HTR3C: variants seen among roughly 807,000 people sequenced by gnomAD.
The protein encoded by HTR3C is 5-HT3-C.
In HTR3C, 32 loss-of-function variants were observed where a neutral mutation model predicts 40.5. The observed-to-expected ratio is 0.79, with a 90% CI of 0.60 to 1.06. The LOEUF is 1.06. HTR3C is among the 50% of genes least tolerant of loss of function. HTR3C has a pLI of 0.00. For synonymous variants in HTR3C, 209 were observed against 217.1 expected, an observed-to-expected ratio of 0.96 and a Z score of 0.33; for missense variants, 523 against 556.8, an observed-to-expected ratio of 0.94 and a Z score of 0.61.
At chr3:184,058,377 C>T (rs141620795) in intron 5 of HTR3C, 50 bp from the exon 6 acceptor site, 16 of 1,508,094 alleles carry the variant, frequency 1.1e-5, no homozygotes, top group South Asian at 5.5e-5. Context: ...ATTTCGTGGG[C>T]GGGAGGCTTG....
intron 5 of HTR3C, among the ~76,000 whole-genome samples, chr3:184,057,699 C>T (rs1008423581): frequency 6.6e-6 from 1 of 152,198 alleles, no homozygotes. Flanking sequence ...TGCACCACTG[C>T]ACTCCAGCCT....
At chr3:184,053,204 T>A in intron 1 of HTR3C, 57 bp downstream of exon 1, 2 of 1,256,806 alleles carry the variant, frequency 1.6e-6, no homozygotes, top group South Asian at 1.2e-5. Flanking sequence ...ACACCTGGAC[T>A]CACCTCTAGC....
At chr3:184,054,964 G>C (rs888862315) in intron 2 of HTR3C, 77 bp downstream of exon 2, 1 of 1,445,198 alleles carries the variant, frequency 6.9e-7, no homozygotes, top group African/African-American at 1.4e-5. Context: ...ACCCAACATG[G>C]CCCTGGCCCC....
rs1170502188 is a variant in HTR3C at position 184,056,869 on chromosome 3, A to C, written c.390-6A>C. On this transcript the variant is annotated splice_region_variant and splice_polypyrimidine_tract_variant and intron_variant, in intron 4 of 8. Transcript: ENST00000318351. ...CCTCCATCTCTTCCCTCCCTTCCCC[A>C]AACAGCATGGATGTGGATCAGACGC... 1.9e-6 allele frequency: 3 copies of C among 1,591,204 alleles called. No homozygotes were observed. The highest frequency in any genetic ancestry group is 2.6e-6 in the Non-Finnish European group (3 of 1,164,308).
chr3:184,059,349 A>G, intron 6 of HTR3C, 87 bp from the exon 7 acceptor site: 1 of 1,230,020 alleles, frequency 8.1e-7, no homozygotes, highest in Middle Eastern at 2.7e-4. Flanking sequence ...GCAGCCTCAC[A>G]GCACATTGGC....
At chr3:184,057,090 A>C in intron 5 of HTR3C, 46 bp downstream of exon 5, 1 of 1,421,294 alleles carries the variant, frequency 7.0e-7, no homozygotes, top group South Asian at 1.2e-5. Context: ...CAGGGAAGAC[A>C]TTTGAGTGGT....
At chr3:184,057,624 C>T (rs772036385) in intron 5 of HTR3C, among the ~76,000 whole-genome samples, 3 of 152,108 alleles carry the variant, frequency 2.0e-5, no homozygotes, top group Admixed American at 6.5e-5. Flanking sequence ...GTCCCAGCTA[C>T]TTGGGAAGCT....
intron 1 of HTR3C, 72 bp downstream of exon 1, chr3:184,053,219 G>A (rs1723258956): frequency 5.7e-6 from 6 of 1,049,604 alleles, no homozygotes; most frequent in Non-Finnish European, 8.9e-6. Context: ...TCTAGCACTT[G>A]GAGGGCATTC....
At position 184,059,580 on chromosome 3, in the gene HTR3C, TACA is replaced by T. The variant is rs1354896240; in HGVS notation, c.868_870del (p.Asn290del). On this transcript the variant is annotated inframe_deletion, in exon 7 of 9. Coordinates refer to ENST00000318351, the MANE Select transcript of HTR3C (RefSeq NM_130770.3). The stretch of plus-strand genomic sequence containing the variant: ...ATTCAAGATAACACTTCTGCTGGGC[TACA>T]ACGTCTTCCTGCTCATGATGAATGA... 4 of 1,614,004 alleles carry T rather than the reference TACA, an allele frequency of 2.5e-6. No individual in the cohort carries two copies. Among genetic ancestry groups the T allele is most frequent in the Non-Finnish European group, 8.5e-7 (1 of 1,180,020 alleles).
At position 184,060,523 on chromosome 3, in the gene HTR3C, A is replaced by G. The variant is rs114734796; in HGVS notation, c.*171A>G. The G allele has an allele frequency of 2.0e-3, 1,559 of 791,750 alleles. 19 individuals are homozygous for G. In the African/African-American group the frequency reaches 0.021, roughly 11 times the overall value. 49.0% of individuals were successfully genotyped at this position (791,750 alleles called of 1,614,324 possible). On this transcript the variant is annotated 3_prime_UTR_variant, in exon 9 of 9. Transcript: ENST00000318351. ...GCAAGCAGGTTCGGGACAGCCCTGG[A>G]CGATTTCCCGACCGCTGCTCAGGCT... is the stretch of plus-strand genomic sequence containing the variant.
At chr3:184,059,731 G>A in intron 7 of HTR3C, 91 bp downstream of exon 7, 2 of 1,591,654 alleles carry the variant, frequency 1.3e-6, no homozygotes, top group Non-Finnish European at 1.7e-6. Flanking sequence ...CTGAAGGAAG[G>A]AAGGGGCTGT....
chr3:184,059,979 A>T lies in HTR3C; in HGVS notation c.1077A>T (p.Arg359Ser). Residue 359 changes from arginine (R) to serine (S), a missense_variant, in exon 8 of 9, where the codon AGA becomes AGT. Transcript: ENST00000318351. ...TGCTCCACTGCACCAGCCCAGGGAG[A>T]TGCTGTCCCACTGCGCCCCAGAAGG... ...SLLLHCTSPG[R>S]CCPTAPQKGN... 1 of 1,613,676 alleles carries T rather than the reference A, an allele frequency of 6.2e-7. No individual in the cohort carries two copies. Among genetic ancestry groups the T allele is most frequent in the Non-Finnish European group, 8.5e-7 (1 of 1,179,986 alleles).
rs938755017 is a variant in HTR3C at position 184,054,630 on chromosome 3, C to T, written c.68-91C>T. 2.6e-6 allele frequency: 3 copies of T among 1,139,904 alleles called. No individual in the cohort carries two copies. The African/African-American group carries it at 4.8e-5, about 18-fold the overall frequency. The allele number at this position is 1,139,904 out of a possible 1,614,324, so 70.6% of individuals were successfully genotyped here. A position where few individuals can be genotyped will look rare whatever the true frequency, so the allele number is the denominator to read the frequency against. ...ATGGGAAGGAGGGGCTCACCTGCTC[C>T]TCTCAGTACGTCCCCTATTTTATCT... On this transcript the variant is annotated intron_variant, in intron 1 of 8. Transcript: ENST00000318351.
At chr3:184,059,722 TGAAG>T in intron 7 of HTR3C, 82 bp downstream of exon 7, 1 of 1,591,782 alleles carries the variant, frequency 6.3e-7, no homozygotes, top group Non-Finnish European at 8.6e-7. Flanking sequence ...GCTGCTCCAC[TGAAG>T]GAAGGAAGGG....
intron 6 of HTR3C, 33 bp from the exon 7 acceptor site, chr3:184,059,403 A>G (rs1193866739): frequency 2.5e-6 from 4 of 1,595,194 alleles, no homozygotes; most frequent in South Asian, 2.2e-5. Flanking sequence ...TCTGACATCT[A>G]TTTATTTGCC....
chr3:184,054,752 A>C lies in HTR3C; in HGVS notation c.99A>C (p.Ser33=), dbSNP rs376500343. The change falls in exon 2 of 9, where the codon TCA becomes TCC. Residue 33 remains serine, a synonymous_variant. Coordinates refer to ENST00000318351, the MANE Select transcript of HTR3C (RefSeq NM_130770.3). ...GCGACGCTTTTACCATCAATTGCTC[A>C]GGCTTTGACCAGCATGGGGTTGACC... The part of the protein sequence containing the change: ...GRGDAFTINC[S]GFDQHGVDPA... The C allele has an allele frequency of 1.2e-6, 2 of 1,606,486 alleles. No homozygotes were observed. The highest frequency in any genetic ancestry group is 4.5e-5 in the East Asian group (2 of 44,690).
At chr3:184,058,967 C>T (rs941005049) in intron 6 of HTR3C, among the ~76,000 whole-genome samples, 1 of 151,992 alleles carries the variant, frequency 6.6e-6, no homozygotes, top group Non-Finnish European at 1.5e-5. Flanking sequence ...GACTCCGTCT[C>T]AAAAAATAAA....
Position 184,056,891 on chromosome 3 carries a change from A to T in HTR3C, c.406A>T (p.Thr136Ser), listed in dbSNP as rs1723337288. ...FIVESMDVDQTPSGLTAYISS... is the reference protein window; with the variant it reads ...FIVESMDVDQSPSGLTAYISS... ...CCCAAACAGCATGGATGTGGATCAGACGCCTTCCGGTCTCACTGCCTATAT... is the reference window on the plus strand; with the variant it reads ...CCCAAACAGCATGGATGTGGATCAGTCGCCTTCCGGTCTCACTGCCTATAT... The change falls in exon 5 of 9, where the codon ACG (threonine) becomes TCG (serine). Residue 136 changes from threonine to serine, a missense_variant. Physicochemically the swap from Thr to Ser is moderately conservative, Grantham distance 58. Transcript: ENST00000318351. The T allele has an allele frequency of 6.2e-7, 1 of 1,608,870 alleles. No individual in the cohort carries two copies. Among genetic ancestry groups the T allele is most frequent in the South Asian group, 1.1e-5 (1 of 90,420 alleles).
At position 184,057,045 on chromosome 3, in the gene HTR3C, G is replaced by GT; in HGVS notation, c.559+2dup. On this transcript the variant is annotated splice_donor_variant, in intron 5 of 8. Coordinates refer to ENST00000318351, the MANE Select transcript of HTR3C (RefSeq NM_130770.3). LOFTEE classifies it high-confidence loss of function. The stretch of plus-strand genomic sequence containing the variant: ...ACCTTCAGTTCTTTCCTCTACACAG[G>GT]TAAGTGTGACACATTTTGGTAGCTG... The GT allele has an allele frequency of 6.2e-7, 1 of 1,600,024 alleles. No homozygotes were observed. The highest frequency in any genetic ancestry group is 1.1e-5 in the South Asian group (1 of 89,934).
Sources: allele counts gnomAD v4.1 joint callset (sites outside exome capture counted in the v4.1 genomes callset), GRCh38; gene constraint gnomAD v4.1.1; transcripts MANE v1.5; gene names NCBI Gene and HGNC (gene_info 2026-07-23, HGNC 2026-07-21).